The following MEGF10 variants were observed in gnomAD, a reference collection of about 807,000 sequenced individuals.
The protein encoded by MEGF10 is multiple epidermal growth factor-like domains protein 10.
In MEGF10, 86 loss-of-function variants were observed where a neutral mutation model predicts 147.5. That is an observed-to-expected ratio of 0.58 (90% CI 0.49 to 0.70). The LOEUF is 0.70. Ranked by LOEUF, MEGF10 falls within the 30% of genes least tolerant of loss-of-function variation. The probability of loss-of-function intolerance (pLI) is 0.00; values close to 1 mark genes in which losing one functional copy is unlikely to be tolerated. For synonymous variants in MEGF10, 478 were observed against 525.5 expected, an observed-to-expected ratio of 0.91 and a Z score of 1.24; for missense variants, 1,329 against 1,487.3, an observed-to-expected ratio of 0.89 and a Z score of 1.75.
At chr5:127,339,286 T>C in intron 3 of MEGF10, 65 bp downstream of exon 3, 1 of 1,108,544 alleles carries the variant, frequency 9.0e-7, no homozygotes, top group Non-Finnish European at 1.4e-6. Context: ...TACAGAGATA[T>C]TAATGACAGC....
intron 8 of MEGF10, among the ~76,000 whole-genome samples, chr5:127,408,693 T>C (rs1006785931): frequency 6.6e-6 from 1 of 152,218 alleles, no homozygotes; most frequent in African/African-American, 2.4e-5. Flanking sequence ...CACCTGAAGA[T>C]GTCTAGAATC....
chr5:127,327,790 T>C (rs543349361), intron 1 of MEGF10, among the ~76,000 whole-genome samples: 3 of 151,616 alleles, frequency 2.0e-5, no homozygotes, highest in Non-Finnish European at 4.4e-5. Flanking sequence ...TCTTGGCTCA[T>C]TGCAGCCTCC....
chr5:127,417,693 T>G lies in MEGF10; in HGVS notation c.1186T>G (p.Cys396Gly). 3.1e-6 allele frequency: 5 copies of G among 1,614,174 alleles called. No individual in the cohort carries two copies. Among genetic ancestry groups the G allele is most frequent in the Non-Finnish European group, 3.4e-6 (4 of 1,180,012 alleles). ...ACKPGWSGLY[C>G]NETCSPGFYG... ...CAAGCCGGGCTGGTCAGGACTCTAC[T>G]GTAATGAGACATGTTCTCCTGGATT... Residue 396 changes from cysteine (C) to glycine (G), a missense_variant, in exon 10 of 25, where the codon TGT (cysteine) becomes GGT (glycine). Around this residue, in one of 3 missense-constraint regions of MEGF10, gnomAD observed 980 missense variants for 1,085.9 expected, o/e 0.90. Coordinates refer to ENST00000503335, the MANE Select transcript of MEGF10 (RefSeq NM_001256545.2).
chr5:127,275,199 T>C, the MEGF10 span, among the ~76,000 whole-genome samples: 1 of 152,236 alleles, frequency 6.6e-6, no homozygotes, highest in Non-Finnish European at 1.5e-5. Context: ...GCCTGTCTTA[T>C]ATCAAAAAGG....
chr5:127,438,663 T>C, intron 17 of MEGF10, 96 bp downstream of exon 17: 1 of 1,393,582 alleles, frequency 7.2e-7, no homozygotes, highest in East Asian at 2.3e-5. Flanking sequence ...TCAACAAAGG[T>C]CCCTGAGGTT....
Position 127,394,768 on chromosome 5 carries a change from A to G in MEGF10, c.413-1764A>G, listed in dbSNP as rs1366260839. Among the ~76,000 whole-genome samples the G allele has an allele frequency of 7.2e-5, 11 of 152,346 alleles. No individual in the cohort carries two copies. In the East Asian group the frequency reaches 2.1e-3, roughly 29 times the overall value. On this transcript the variant is annotated intron_variant, in intron 5 of 24. Coordinates refer to ENST00000503335, the MANE Select transcript of MEGF10 (RefSeq NM_001256545.2). ...AACTACCACCTAATCTTATTTTGTG[A>G]AAGAAGATTGTGAGTTCTTAGGTAA...
chr5:127,375,755 T>C (rs1369785974), intron 5 of MEGF10, among the ~76,000 whole-genome samples: 1 of 152,256 alleles, frequency 6.6e-6, no homozygotes, highest in Non-Finnish European at 1.5e-5. Context: ...GGCCATATGT[T>C]ATTAATCTCT....
At chr5:127,246,960 T>G in the MEGF10 span, among the ~76,000 whole-genome samples, 1 of 1,150 alleles carries the variant, frequency 8.7e-4, no homozygotes, top group Non-Finnish European at 1.9e-3. Context: ...TAATAAATAA[T>G]ATATAATAAT....
intron 4 of MEGF10, among the ~76,000 whole-genome samples, chr5:127,350,665 A>G (rs1762052159): frequency 6.6e-6 from 1 of 152,160 alleles, no homozygotes; most frequent in African/African-American, 2.4e-5. Context: ...AAGGAAGGGA[A>G]AGACCCCTGG....
At chr5:127,434,241 A>G (rs1205217250) in intron 14 of MEGF10, among the ~76,000 whole-genome samples, 1 of 152,224 alleles carries the variant, frequency 6.6e-6, no homozygotes, top group Non-Finnish European at 1.5e-5. Flanking sequence ...TGAGGAGGAA[A>G]AATCTTCAAA....
intron 13 of MEGF10, among the ~76,000 whole-genome samples, chr5:127,423,450 T>A (rs1765098327): frequency 6.6e-6 from 1 of 152,212 alleles, no homozygotes; most frequent in South Asian, 2.1e-4. Context: ...CTTCCAAGTA[T>A]CATGAGCAAA....
intron 5 of MEGF10, among the ~76,000 whole-genome samples, chr5:127,384,309 T>A (rs1763356167): frequency 6.6e-6 from 1 of 152,234 alleles, no homozygotes; most frequent in Non-Finnish European, 1.5e-5. Context: ...GCTTAACAAA[T>A]CTTTAATGAA....
chr5:127,356,210 G>A (rs1159229646), intron 4 of MEGF10, among the ~76,000 whole-genome samples: 6 of 152,306 alleles, frequency 3.9e-5, no homozygotes, highest in East Asian at 1.9e-4. Flanking sequence ...CTGGTATAGC[G>A]CCGGCCAGCG....
rs761323203 is a variant in MEGF10 at position 127,442,987 on chromosome 5, T to A, written c.2363-11T>A. ...AAGGTTGGAAAGCTACATTTGACTT[T>A]CCTTCTCTAGAGTGCCCTTCAGGAA... is the stretch of plus-strand genomic sequence containing the variant. On this transcript the variant is annotated splice_polypyrimidine_tract_variant and intron_variant, in intron 18 of 24. Transcript: ENST00000503335. 1.2e-6 allele frequency: 2 copies of A among 1,606,998 alleles called. No homozygotes were observed. Among genetic ancestry groups the A allele is most frequent in the Non-Finnish European group, 1.7e-6 (2 of 1,176,498 alleles).
At chr5:127,420,012 C>A in intron 11 of MEGF10, 32 bp from the exon 12 acceptor site, 3 of 1,607,676 alleles carry the variant, frequency 1.9e-6, no homozygotes, top group Non-Finnish European at 2.5e-6. Flanking sequence ...TGCCTTTGTT[C>A]GCTCACGTGC....
At chr5:127,395,638 G>A (rs1413253690) in intron 5 of MEGF10, among the ~76,000 whole-genome samples, 5 of 146,726 alleles carry the variant, frequency 3.4e-5, no homozygotes, top group East Asian at 4.1e-4. Context: ...TCCGCCTCCC[G>A]GGTTCACGCC....
chr5:127,317,463 T>G (rs1461763865), intron 1 of MEGF10, among the ~76,000 whole-genome samples: 1 of 152,208 alleles, frequency 6.6e-6, no homozygotes, highest in Non-Finnish European at 1.5e-5. Flanking sequence ...GGTCTAACAT[T>G]TAATCCATCT....
At chr5:127,408,466 A>G (rs909862317) in intron 8 of MEGF10, among the ~76,000 whole-genome samples, 1 of 152,230 alleles carries the variant, frequency 6.6e-6, no homozygotes, top group Non-Finnish European at 1.5e-5. Context: ...TAAAGTTTAC[A>G]TCTTTAAGGA....
chr5:127,404,408 G>A (rs963917917), intron 8 of MEGF10, among the ~76,000 whole-genome samples: 5 of 152,032 alleles, frequency 3.3e-5, no homozygotes, highest in East Asian at 3.9e-4. Context: ...TGAAAGTAAC[G>A]GTGAAGACCG....
Sources: gnomAD v4.1 joint callset for allele counts (sites outside exome capture counted in the v4.1 genomes callset) on GRCh38, gnomAD v4.1.1 for gene constraint, gnomAD v4.1.1 regional missense constraint, MANE v1.5 for transcripts, NCBI Gene and HGNC (gene_info 2026-07-23, HGNC 2026-07-21) for gene names.